The following ZNF385D variants were observed in gnomAD, a reference collection of about 807,000 sequenced individuals.
ZNF385D encodes the protein zinc finger protein 385D.
A neutral mutation model predicts 35.8 loss-of-function variants in ZNF385D; 15 were observed. The observed-to-expected ratio is 0.42, with a 90% CI of 0.28 to 0.64. The LOEUF (loss-of-function observed/expected upper bound fraction) is 0.64. Ranked by LOEUF, ZNF385D falls within the 30% of genes least tolerant of loss-of-function variation. The pLI is 0.23. For synonymous variants in ZNF385D, 212 were observed against 186.8 expected, an observed-to-expected ratio of 1.13 and a Z score of -1.10; for missense variants, 474 against 494.6, an observed-to-expected ratio of 0.96 and a Z score of 0.39.
At chr3:21,510,823 G>T in intron 4 of ZNF385D, 38 bp downstream of exon 4, 2 of 1,609,250 alleles carry the variant, frequency 1.2e-6, no homozygotes, top group South Asian at 1.1e-5. Context: ...CCCCAACGAC[G>T]ACGACGAGGA....
chr3:21,740,341 A>T (rs903342903), intron 1 of ZNF385D, among the ~76,000 whole-genome samples: 2 of 152,200 alleles, frequency 1.3e-5, no homozygotes, highest in African/African-American at 2.4e-5. Flanking sequence ...AGCTTGTTAG[A>T]AAGGCAGAAT....
chr3:21,932,296 C>A (rs1701052926), intron 3 of ZNF385D, among the ~76,000 whole-genome samples: 1 of 150,804 alleles, frequency 6.6e-6, no homozygotes, highest in South Asian at 2.1e-4. Flanking sequence ...TATTTAGCTG[C>A]CTTTGTAAAT....
intron 3 of ZNF385D, among the ~76,000 whole-genome samples, chr3:22,002,331 G>A (rs1695893820): frequency 6.6e-6 from 1 of 151,936 alleles, no homozygotes; most frequent in Admixed American, 6.6e-5. Flanking sequence ...CTAACAAATT[G>A]GAAAACCTAG....
At chr3:21,850,904 T>C (rs986618457) in intron 3 of ZNF385D, among the ~76,000 whole-genome samples, 3 of 151,976 alleles carry the variant, frequency 2.0e-5, no homozygotes, top group African/African-American at 7.2e-5. Flanking sequence ...GAACATTCTT[T>C]AAAGAAAAAT....
chr3:21,778,147 C>T (rs927944554), intron 3 of ZNF385D, among the ~76,000 whole-genome samples: 1 of 151,928 alleles, frequency 6.6e-6, no homozygotes, highest in Non-Finnish European at 1.5e-5. Flanking sequence ...AATTTAAACA[C>T]TCCACAGTTA....
chr3:22,266,306 T>C (rs1700893057), intron 2 of ZNF385D, among the ~76,000 whole-genome samples: 1 of 151,964 alleles, frequency 6.6e-6, no homozygotes, highest in Non-Finnish European at 1.5e-5. Context: ...AAGATACCTA[T>C]GTTCACTCAG....
chr3:21,770,029 G>A (rs903871889), intron 3 of ZNF385D, among the ~76,000 whole-genome samples: 2 of 152,110 alleles, frequency 1.3e-5, no homozygotes, highest in African/African-American at 4.8e-5. Flanking sequence ...AAACTGGCTT[G>A]CCATATGGAG....
chr3:21,856,752 C>T (rs921850704), intron 3 of ZNF385D, among the ~76,000 whole-genome samples: 6 of 152,026 alleles, frequency 3.9e-5, no homozygotes, highest in Non-Finnish European at 1.5e-5. Context: ...ATCCCTCAAC[C>T]TCTGAGAAGA....
At chr3:21,620,490 C>T (rs2064972576) in intron 2 of ZNF385D, among the ~76,000 whole-genome samples, 1 of 152,146 alleles carries the variant, frequency 6.6e-6, no homozygotes, top group Non-Finnish European at 1.5e-5. Flanking sequence ...TTTATACCAA[C>T]AAGCCAATGA....
chr3:22,274,133 G>C lies in ZNF385D; in HGVS notation c.106+98317C>G, dbSNP rs113200267. On this transcript the variant is annotated intron_variant, in intron 2 of 5. Transcript: ENST00000494108. The stretch of plus-strand genomic sequence containing the variant: ...TCCTGGAAGGGGCACATCTAAAGTA[G>C]ATTTTTTAAATTGGATTTTCTTCCC... 3.4e-3 allele frequency among the ~76,000 whole-genome samples: 510 copies of C among 151,836 alleles called. 3 individuals are homozygous for C. The highest frequency in any genetic ancestry group is 0.031 in the Middle Eastern group (9 of 294).
At chr3:22,093,319 C>T (rs1360979155) in intron 3 of ZNF385D, among the ~76,000 whole-genome samples, 3 of 151,702 alleles carry the variant, frequency 2.0e-5, no homozygotes, top group Non-Finnish European at 2.9e-5. Flanking sequence ...TTGACCTAGA[C>T]ATTTAACTAC....
chr3:22,324,953 G>A (rs145490191), intron 2 of ZNF385D, among the ~76,000 whole-genome samples: 1 of 152,186 alleles, frequency 6.6e-6, no homozygotes, highest in East Asian at 1.9e-4. Context: ...CCTTGAGCAA[G>A]ACACTTAACC....
intron 3 of ZNF385D, among the ~76,000 whole-genome samples, chr3:22,094,829 G>C (rs1022385283): frequency 6.6e-6 from 1 of 152,030 alleles, no homozygotes; most frequent in Non-Finnish European, 1.5e-5. Context: ...CCTCACAGCT[G>C]AGTGGAAAAT....
At chr3:21,907,388 C>CT (rs528167618) in intron 3 of ZNF385D, among the ~76,000 whole-genome samples, 5 of 152,054 alleles carry the variant, frequency 3.3e-5, no homozygotes, top group East Asian at 1.9e-4. Context: ...TTCACAATAT[C>CT]TTTTTTTGTA....
chr3:21,698,134 A>G (rs113216717), intron 1 of ZNF385D, among the ~76,000 whole-genome samples: 39 of 152,340 alleles, frequency 2.6e-4, no homozygotes, highest in African/African-American at 8.7e-4. Flanking sequence ...TATGTAAAAA[A>G]GACACCTGCA....
intron 1 of ZNF385D, among the ~76,000 whole-genome samples, chr3:21,711,054 T>TTTTTTTTTC (rs2068086703): frequency 7.3e-6 from 1 of 137,668 alleles, no homozygotes; most frequent in Non-Finnish European, 1.6e-5. Flanking sequence ...TTTTTTTTTT[T>TTTTTTTTTC]TTTTTGAGAT....
At chr3:22,236,574 T>C (rs1300504789) in intron 2 of ZNF385D, among the ~76,000 whole-genome samples, 2 of 152,176 alleles carry the variant, frequency 1.3e-5, no homozygotes, top group Admixed American at 6.6e-5. Flanking sequence ...TCACTTACCA[T>C]AATATTCACC....
chr3:21,680,948 C>A (rs979557656), intron 1 of ZNF385D, among the ~76,000 whole-genome samples: 4 of 152,162 alleles, frequency 2.6e-5, no homozygotes, highest in Admixed American at 6.6e-5. Flanking sequence ...GTTACACACA[C>A]AGCCTTTCAA....
intron 3 of ZNF385D, among the ~76,000 whole-genome samples, chr3:22,153,054 A>G (rs541086900): frequency 6.6e-6 from 1 of 152,278 alleles, no homozygotes; most frequent in East Asian, 1.9e-4. Context: ...TATTCTCAGG[A>G]GAGCTGATGG....
Sources: allele counts gnomAD v4.1 joint callset (sites outside exome capture counted in the v4.1 genomes callset), GRCh38; gene constraint gnomAD v4.1.1; transcripts MANE v1.5; gene names NCBI Gene and HGNC (gene_info 2026-07-23, HGNC 2026-07-21).